NEBL: variants seen among roughly 807,000 people sequenced by gnomAD.
NEBL encodes the protein nebulette.
NEBL carries 122 observed loss-of-function variants against 140.2 expected under a neutral mutation model. The observed-to-expected ratio is 0.87, with a 90% CI of 0.75 to 1.01. NEBL has a LOEUF of 1.01. Among genes scored for constraint, NEBL ranks in the 50% least tolerant of loss-of-function variants. The probability of loss-of-function intolerance (pLI) is 0.00; values close to 1 mark genes in which losing one functional copy is unlikely to be tolerated. For missense variants in NEBL, 1,365 were observed against 1,231.3 expected (o/e 1.11, Z -1.62); for synonymous variants, 436 against 398.9 (o/e 1.09, Z -1.11).
At chr10:20,834,986 C>T (rs1840735123) in intron 14 of NEBL, among the ~76,000 whole-genome samples, 1 of 152,144 alleles carries the variant, frequency 6.6e-6, no homozygotes, top group Admixed American at 6.5e-5. Context: ...TGAACATGGT[C>T]GTTCAGGTTA....
intron 7 of NEBL, 40 bp downstream of exon 7, chr10:20,868,624 T>A (rs1844566607): frequency 7.5e-7 from 1 of 1,326,366 alleles, no homozygotes; most frequent in Non-Finnish European, 1.1e-6. Context: ...AAACAAAATA[T>A]CTGAATAAAG....
rs2131602290 is a variant in NEBL at position 20,782,238 on chromosome 10, G to T, written c.*3509C>A. 6.6e-6 allele frequency: 1 copy of T among 152,548 alleles called. No homozygotes were observed. The highest frequency in any genetic ancestry group is 2.1e-4 in the South Asian group (1 of 4,806). 9.4% of individuals were successfully genotyped at this position (152,548 alleles called of 1,614,324 possible). A position where few individuals can be genotyped will look rare whatever the true frequency, so the allele number is the denominator to read the frequency against. On this transcript the variant is annotated 3_prime_UTR_variant, in exon 28 of 28. Transcript: ENST00000377122. ...ATTACTATAGAATAGGCAGCAACTT[G>T]CTTGCTTGGTTTTCTTTCCAAGAGC...
chr10:21,131,757 A>G (rs1839119224), intron 2 of NEBL, among the ~76,000 whole-genome samples: 1 of 150,946 alleles, frequency 6.6e-6, no homozygotes, highest in Non-Finnish European at 1.5e-5. Context: ...TCCAACCACA[A>G]AGTTTGGGAA....
At chr10:21,016,423 T>C (rs972876103) in intron 3 of NEBL, among the ~76,000 whole-genome samples, 7 of 152,184 alleles carry the variant, frequency 4.6e-5, no homozygotes, top group African/African-American at 1.7e-4. Flanking sequence ...ACAGTGTTTA[T>C]AACCCTCTCA....
At chr10:21,095,910 C>G (rs975528700) in intron 2 of NEBL, among the ~76,000 whole-genome samples, 1 of 152,110 alleles carries the variant, frequency 6.6e-6, no homozygotes, top group African/African-American at 2.4e-5. Flanking sequence ...CTACAAATCC[C>G]CTAACTAGAC....
At chr10:20,845,576 C>T in intron 11 of NEBL, 1 of 505,498 alleles carries the variant, frequency 2.0e-6, no homozygotes, top group South Asian at 2.3e-5. Context: ...GTGGACTCTT[C>T]CTCTGGTAAA....
chr10:21,124,022 G>A (rs1252988459), intron 2 of NEBL, among the ~76,000 whole-genome samples: 1 of 151,538 alleles, frequency 6.6e-6, no homozygotes, highest in Non-Finnish European at 1.5e-5. Context: ...GCATACAGAA[G>A]GTAGACAATA....
At chr10:21,171,548 C>T (rs1022517737) in intron 2 of NEBL, 1 of 152,046 alleles carries the variant, frequency 6.6e-6, no homozygotes, top group African/African-American at 2.4e-5. Flanking sequence ...TGAGCCCCCT[C>T]CTGAGCCTGA....
chr10:21,210,343 G>A (rs1007900259), intron 3 of NEBL, among the ~76,000 whole-genome samples: 1 of 152,086 alleles, frequency 6.6e-6, no homozygotes, highest in African/African-American at 2.4e-5. Context: ...GCAGTAAGCC[G>A]AGACTGCACC....
At chr10:20,821,712 G>A (rs752095354) in intron 19 of NEBL, among the ~76,000 whole-genome samples, 38 of 151,992 alleles carry the variant, frequency 2.5e-4, no homozygotes, top group Admixed American at 5.3e-4. Flanking sequence ...AATATCTACC[G>A]GAATGCCATA....
intron 1 of NEBL, among the ~76,000 whole-genome samples, chr10:21,288,838 A>ATATATATATATATATG (rs1843102394): frequency 1.2e-5 from 1 of 85,488 alleles, no homozygotes; most frequent in East Asian, 3.6e-4. Context: ...ATATATATAT[A>ATATATATATATATATG]TATATATATA....
intron 19 of NEBL, among the ~76,000 whole-genome samples, chr10:20,819,785 C>T (rs1024060033): frequency 1.3e-5 from 2 of 151,992 alleles, no homozygotes; most frequent in Non-Finnish European, 2.9e-5. Flanking sequence ...AGTGCAGTGG[C>T]GTCATCACAG....
intron 1 of NEBL, among the ~76,000 whole-genome samples, chr10:21,276,886 G>A (rs557960884): frequency 6.6e-5 from 10 of 152,146 alleles, no homozygotes; most frequent in East Asian, 3.9e-4. Flanking sequence ...TGAGAATCAC[G>A]TGAACCTGAG....
At chr10:20,806,477 C>T (rs1013149014) in intron 26 of NEBL, among the ~76,000 whole-genome samples, 1 of 152,216 alleles carries the variant, frequency 6.6e-6, no homozygotes, top group African/African-American at 2.4e-5. Context: ...GCCTCGTTAA[C>T]GTCCATCAGC....
intron 2 of NEBL, among the ~76,000 whole-genome samples, chr10:21,057,912 C>T (rs1351745701): frequency 6.6e-6 from 1 of 152,046 alleles, no homozygotes; most frequent in African/African-American, 2.4e-5. Flanking sequence ...CTTATTTTTG[C>T]ATTTCCGAAT....
intron 4 of NEBL, among the ~76,000 whole-genome samples, chr10:20,904,756 A>G (rs565630571): frequency 6.6e-6 from 1 of 152,352 alleles, no homozygotes; most frequent in African/African-American, 2.4e-5. Context: ...CAGTAAATGC[A>G]ATGACTTAAT....
intron 2 of NEBL, among the ~76,000 whole-genome samples, chr10:21,121,126 A>G (rs544649550): frequency 6.6e-6 from 1 of 152,286 alleles, no homozygotes; most frequent in East Asian, 1.9e-4. Context: ...TTTTTTTAAC[A>G]GTATCTACCA....
At chr10:20,845,895 T>C (rs1186621795) in intron 11 of NEBL, among the ~76,000 whole-genome samples, 1 of 152,192 alleles carries the variant, frequency 6.6e-6, no homozygotes, top group Non-Finnish European at 1.5e-5. Flanking sequence ...CTTTAATGAT[T>C]TTGGAGTTGA....
At chr10:21,279,100 G>A (rs2132296204) in intron 1 of NEBL, among the ~76,000 whole-genome samples, 1 of 151,882 alleles carries the variant, frequency 6.6e-6, no homozygotes, top group Non-Finnish European at 1.5e-5. Context: ...TTACTATTTA[G>A]GCTCTACACA....
Sources: gnomAD v4.1 joint callset for allele counts (sites outside exome capture counted in the v4.1 genomes callset) on GRCh38, gnomAD v4.1.1 for gene constraint, MANE v1.5 for transcripts, NCBI Gene and HGNC (gene_info 2026-07-23, HGNC 2026-07-21) for gene names.